TAFA4: variants seen among roughly 807,000 people sequenced by gnomAD.
The protein encoded by TAFA4 is chemokine-like protein TAFA-4.
A neutral mutation model predicts 21.1 loss-of-function variants in TAFA4; 20 were observed. The observed-to-expected ratio is 0.95, with a 90% CI of 0.67 to 1.38. The LOEUF is 1.38. Ranked by LOEUF, TAFA4 falls within the 40% of genes most tolerant of loss-of-function variation. The pLI is 0.00. For missense variants in TAFA4, 211 were observed against 180.9 expected (o/e 1.17, Z -0.95); for synonymous variants, 71 against 67.4 (o/e 1.05, Z -0.26).
Position 68,880,784 on chromosome 3 carries a change from T to G in TAFA4, c.76A>C (p.Met26Leu), listed in dbSNP as rs1222797670. 6.2e-7 allele frequency: 1 copy of G among 1,613,772 alleles called. No homozygotes were observed. Among genetic ancestry groups the G allele is most frequent in the East Asian group, 2.2e-5 (1 of 44,864 alleles). The change falls in exon 3 of 6, where the codon ATG (methionine) becomes CTG (leucine). Residue 26 changes from methionine (M) to leucine (L), a missense_variant. Physicochemically the swap from Met to Leu is conservative, Grantham distance 15. Transcript: ENST00000295569. ...SHWLFLAYVL[M>L]VCCKLMSASS... ...GCGGACATCAGCTTACAGCACACCA[T>G]TAACACGTAGGCTAGAAAGAGCCAG...
intron 3 of TAFA4, among the ~76,000 whole-genome samples, chr3:68,813,629 G>C (rs112913038): frequency 0.27 from 41,707 of 152,024 alleles, 7,095 homozygotes; most frequent in Non-Finnish European, 0.39. Flanking sequence ...GAAGTTGAAT[G>C]TCTGAATAGA....
chr3:68,800,239 A>G lies in TAFA4; in HGVS notation c.131-47221T>C, dbSNP rs147689026. ...TGAAAAAAATGTCTTTCACAAAACT[A>G]CTCTCTGGTGCCAAAAATGTTGGGA... is the stretch of plus-strand genomic sequence containing the variant. On this transcript the variant is annotated intron_variant, in intron 3 of 5. Transcript: ENST00000295569. 5.1e-3 allele frequency among the ~76,000 whole-genome samples: 781 copies of G among 152,092 alleles called. 6 individuals are homozygous for G. Among genetic ancestry groups the G allele is most frequent in the Middle Eastern group, 0.01 (3 of 292 alleles).
At chr3:68,832,240 C>T (rs1172246373) in intron 3 of TAFA4, among the ~76,000 whole-genome samples, 6 of 152,152 alleles carry the variant, frequency 3.9e-5, no homozygotes, top group South Asian at 4.1e-4. Flanking sequence ...GAGCTGTGTT[C>T]CTTTGGAGGA....
rs145860792 is a variant in TAFA4 at position 68,745,147 on chromosome 3, G to C, written c.287-5948C>G. Among the ~76,000 whole-genome samples, 639 of 152,276 alleles carry C rather than the reference G, an allele frequency of 4.2e-3. 5 individuals carry two copies. Among genetic ancestry groups the C allele is most frequent in the African/African-American group, 0.015 (614 of 41,548 alleles). ...GATTGACTAAAAACTGACAGCAAGG[G>C]TAAGAACCCACTGAGGGCTCGACCT... On this transcript the variant is annotated intron_variant, in intron 4 of 5. Coordinates refer to ENST00000295569, the MANE Select transcript of TAFA4 (RefSeq NM_182522.5).
chr3:68,798,376 A>G (rs1323479966), intron 3 of TAFA4, among the ~76,000 whole-genome samples: 1 of 152,246 alleles, frequency 6.6e-6, no homozygotes, highest in East Asian at 1.9e-4. Flanking sequence ...CAACAAAATT[A>G]TGAGCCATCA....
intron 3 of TAFA4, among the ~76,000 whole-genome samples, chr3:68,876,202 G>A (rs1266897877): frequency 6.6e-6 from 1 of 152,152 alleles, no homozygotes; most frequent in East Asian, 1.9e-4. Context: ...AATAAAATGT[G>A]TTAGTGAAAT....
chr3:68,798,384 T>A (rs1387735003), intron 3 of TAFA4, among the ~76,000 whole-genome samples: 1 of 152,210 alleles, frequency 6.6e-6, no homozygotes, highest in Non-Finnish European at 1.5e-5. Context: ...TTATGAGCCA[T>A]CAATTTTTTC....
chr3:68,803,797 C>CTTTTTTTTTTTTTTT (rs386396961), intron 3 of TAFA4, among the ~76,000 whole-genome samples: 11 of 81,612 alleles, frequency 1.3e-4, no homozygotes, highest in Middle Eastern at 0.016. Context: ...ATCTCTGATT[C>CTTTTTTTTTTTTTTT]TTTTTTTTTT....
At chr3:68,877,157 G>A (rs549363158) in intron 3 of TAFA4, among the ~76,000 whole-genome samples, 7 of 152,104 alleles carry the variant, frequency 4.6e-5, no homozygotes, top group South Asian at 2.1e-4. Context: ...TCAGGAGTTC[G>A]AGACCAGCCT....
intron 3 of TAFA4, among the ~76,000 whole-genome samples, chr3:68,849,315 A>T (rs1376314960): frequency 2.0e-5 from 3 of 152,158 alleles, no homozygotes; most frequent in Non-Finnish European, 4.4e-5. Flanking sequence ...GCTCTGTGAA[A>T]GTTTTCATTA....
At chr3:68,876,098 T>C (rs2089546742) in intron 3 of TAFA4, among the ~76,000 whole-genome samples, 2 of 152,200 alleles carry the variant, frequency 1.3e-5, no homozygotes, top group South Asian at 4.1e-4. Context: ...ATGGGACTTA[T>C]CATAGTAGGC....
chr3:68,924,969 A>G (rs1297034914), intron 1 of TAFA4, among the ~76,000 whole-genome samples: 1 of 152,152 alleles, frequency 6.6e-6, no homozygotes, highest in African/African-American at 2.4e-5. Context: ...ATCAGCACCT[A>G]AGCTTTGAGG....
At chr3:68,791,580 G>A (rs768159382) in intron 3 of TAFA4, among the ~76,000 whole-genome samples, 4 of 152,186 alleles carry the variant, frequency 2.6e-5, no homozygotes, top group Non-Finnish European at 5.9e-5. Flanking sequence ...TAATGCAGCA[G>A]AGGACTATAT....
Position 68,918,132 on chromosome 3 carries a change from T to TATACACACACACACACACAC in TAFA4, c.-123+14107_-123+14108insGTGTGTGTGTGTGTGTGTAT, listed in dbSNP as rs1553654494. 3.9e-4 allele frequency among the ~76,000 whole-genome samples: 58 copies of TATACACACACACACACACAC among 148,928 alleles called. 1 individual carries two copies. Among genetic ancestry groups the TATACACACACACACACACAC allele is most frequent in the African/African-American group, 1.3e-3 (54 of 40,624 alleles). On this transcript the variant is annotated intron_variant, in intron 1 of 5. Coordinates refer to ENST00000295569, the MANE Select transcript of TAFA4 (RefSeq NM_182522.5). Reference sequence around the variant, plus strand: ...ATAATGAGAGGAAGCCAGACACACATACACACACACACACACACACACAAA... The same window carrying TATACACACACACACACACAC: ...ATAATGAGAGGAAGCCAGACACACATATACACACACACACACACACACACACACACACACACACACACAAA...
rs1282384243 is a variant in TAFA4 at position 68,912,706 on chromosome 3, G to C, written c.-123+19534C>G. Reference sequence around the variant, plus strand: ...TTCAAGTGCTCCCAGATTCATGGCTGTTCTTTTAAGCCCCAAGAGATCAAA... The same window carrying C: ...TTCAAGTGCTCCCAGATTCATGGCTCTTCTTTTAAGCCCCAAGAGATCAAA... On this transcript the variant is annotated intron_variant, in intron 1 of 5. Coordinates refer to ENST00000295569, the MANE Select transcript of TAFA4 (RefSeq NM_182522.5). 2.0e-5 allele frequency among the ~76,000 whole-genome samples: 3 copies of C among 152,190 alleles called. No homozygotes were observed. In the East Asian group the frequency reaches 5.8e-4, roughly 29 times the overall value.
intron 3 of TAFA4, among the ~76,000 whole-genome samples, chr3:68,797,819 A>G (rs6549144): frequency 0.46 from 69,157 of 151,868 alleles, 16,071 homozygotes; most frequent in African/African-American, 0.48. Flanking sequence ...CTCAGTTATT[A>G]TTTAATGGGT....
In TAFA4 at chr3:68,886,017, A is replaced by C. The variant is rs140403636; in HGVS notation, c.-122-707T>G. Among the ~76,000 whole-genome samples, 1,055 of 152,360 alleles carry C rather than the reference A, an allele frequency of 6.9e-3. 7 individuals carry two copies. The highest frequency in any genetic ancestry group is 0.024 in the African/African-American group (1,013 of 41,582). On this transcript the variant is annotated intron_variant, in intron 1 of 5. Transcript: ENST00000295569. ...GAACATGAAACTATACCATTTGTAA[A>C]GATGCTAAGTTAAATACATCCCTCC...
intron 3 of TAFA4, among the ~76,000 whole-genome samples, chr3:68,754,834 C>A (rs1409387231): frequency 6.6e-6 from 1 of 152,052 alleles, no homozygotes; most frequent in Non-Finnish European, 1.5e-5. Flanking sequence ...GAGGAGGAGA[C>A]CCTTCAAATT....
chr3:68,741,651 C>T (rs1000329680), intron 4 of TAFA4, among the ~76,000 whole-genome samples: 26 of 151,916 alleles, frequency 1.7e-4, no homozygotes, highest in African/African-American at 5.5e-4. Flanking sequence ...AAAAGCCAGG[C>T]GTGGTGGCCG....
Sources: gnomAD v4.1 joint callset for allele counts (sites outside exome capture counted in the v4.1 genomes callset) on GRCh38, gnomAD v4.1.1 for gene constraint, MANE v1.5 for transcripts, NCBI Gene and HGNC (gene_info 2026-07-23, HGNC 2026-07-21) for gene names.